Variants in GALNT17 observed in about 807,000 individuals in gnomAD.
The protein encoded by GALNT17 is UDP-GalNAc:polypeptide N-acetylgalactosaminyltransferase-like 3.
GALNT17 carries 29 observed loss-of-function variants against 63.7 expected under a neutral mutation model. That is an observed-to-expected ratio of 0.46 (90% CI 0.34 to 0.62). The LOEUF is 0.62. Among genes scored for constraint, GALNT17 ranks in the 20% least tolerant of loss-of-function variants. The pLI is 0.01. For synonymous variants in GALNT17, 305 were observed against 318.3 expected (o/e 0.96, Z 0.45); for missense variants, 603 against 799.6 (o/e 0.75, Z 2.97).
At chr7:71,409,395 C>A (rs1793391861) in intron 3 of GALNT17, among the ~76,000 whole-genome samples, 1 of 152,174 alleles carries the variant, frequency 6.6e-6, no homozygotes, top group African/African-American at 2.4e-5. Context: ...AGTTCTTGGG[C>A]CACCTCAGAC....
rs1436897094 is a variant in GALNT17, at chr7:71,308,593, C to G, written c.239-26957C>G. Among the ~76,000 whole-genome samples, 5 of 152,090 alleles carry G rather than the reference C, an allele frequency of 3.3e-5. No individual in the cohort carries two copies. The South Asian group carries it at 1.0e-3, about 32-fold the overall frequency. ...GTCCCCCTGGCTAGATCAAGAGCCC[C>G]TCTGTATCCCCAGAACCTTGCAGCT... is the stretch of plus-strand genomic sequence containing the variant. On this transcript the variant is annotated intron_variant, in intron 1 of 10. Coordinates refer to ENST00000333538, the MANE Select transcript of GALNT17 (RefSeq NM_022479.3).
intron 2 of GALNT17, among the ~76,000 whole-genome samples, chr7:71,385,340 T>A (rs1792921886): frequency 6.6e-6 from 1 of 152,202 alleles, no homozygotes; most frequent in Non-Finnish European, 1.5e-5. Flanking sequence ...GCATGCACAG[T>A]GCAGCTTCCA....
chr7:71,273,650 A>G (rs1216313565), intron 1 of GALNT17, among the ~76,000 whole-genome samples: 1 of 152,212 alleles, frequency 6.6e-6, no homozygotes, highest in African/African-American at 2.4e-5. Flanking sequence ...GTATGAAACA[A>G]TGTTTTTGGA....
chr7:71,535,006 G>A (rs182172341), intron 5 of GALNT17, among the ~76,000 whole-genome samples: 1 of 152,268 alleles, frequency 6.6e-6, no homozygotes, highest in Admixed American at 6.5e-5. Flanking sequence ...TACAAAGAGA[G>A]GAGAATAGTA....
chr7:71,236,794 C>T (rs1583786620), intron 1 of GALNT17, among the ~76,000 whole-genome samples: 4 of 152,322 alleles, frequency 2.6e-5, no homozygotes, highest in Admixed American at 2.6e-4. Flanking sequence ...AAAAACTGCA[C>T]CTGCTCTAAT....
intron 2 of GALNT17, among the ~76,000 whole-genome samples, chr7:71,362,217 C>G (rs1025137439): frequency 6.6e-6 from 1 of 152,178 alleles, no homozygotes. Context: ...CTCGGCCTCC[C>G]AAAATGTTGG....
intron 5 of GALNT17, among the ~76,000 whole-genome samples, chr7:71,494,674 AAAGCAGAGAG>A (rs1788064980): frequency 6.6e-6 from 1 of 152,114 alleles, no homozygotes; most frequent in African/African-American, 2.4e-5. Context: ...GCTTTGTGAT[AAAGCAGAGAG>A]AAGCTGTATT....
chr7:71,274,748 G>C (rs1245088664), intron 1 of GALNT17, among the ~76,000 whole-genome samples: 2 of 152,208 alleles, frequency 1.3e-5, no homozygotes, highest in Non-Finnish European at 2.9e-5. Context: ...GTTCTTGTGT[G>C]TTTGTGCAGG....
chr7:71,600,538 T>A (rs1240087813), intron 6 of GALNT17, among the ~76,000 whole-genome samples: 1 of 152,084 alleles, frequency 6.6e-6, no homozygotes, highest in African/African-American at 2.4e-5. Context: ...ATGATGCAGC[T>A]GCTCTTATTT....
intron 1 of GALNT17, among the ~76,000 whole-genome samples, chr7:71,281,700 C>T (rs1177903378): frequency 6.6e-6 from 1 of 152,186 alleles, no homozygotes; most frequent in East Asian, 1.9e-4. Flanking sequence ...CAACGTGCCC[C>T]TGTTTCCTTA....
At chr7:71,651,308 CT>C (rs113437232) in intron 6 of GALNT17, among the ~76,000 whole-genome samples, 184 of 133,774 alleles carry the variant, frequency 1.4e-3, no homozygotes, top group Middle Eastern at 7.8e-3. Context: ...ACTTTTTAGG[CT>C]TTTTTTTTTT....
chr7:71,599,134 T>C (rs1226303491), intron 6 of GALNT17, among the ~76,000 whole-genome samples: 3 of 152,058 alleles, frequency 2.0e-5, no homozygotes, highest in Admixed American at 2.0e-4. Flanking sequence ...CAGAGCCTCA[T>C]GGGACACCAT....
At chr7:71,473,021 A>G (rs1265063491) in intron 5 of GALNT17, among the ~76,000 whole-genome samples, 2 of 152,240 alleles carry the variant, frequency 1.3e-5, no homozygotes, top group South Asian at 2.1e-4. Flanking sequence ...ATCATGAATC[A>G]GTACATGGAA....
chr7:71,698,076 T>G (rs1237290446), intron 9 of GALNT17, among the ~76,000 whole-genome samples: 1 of 136,926 alleles, frequency 7.3e-6, no homozygotes, highest in Non-Finnish European at 1.5e-5. Flanking sequence ...CGAGCCATGA[T>G]CACGCCACTG....
chr7:71,586,325 C>T (rs78887493), intron 6 of GALNT17, among the ~76,000 whole-genome samples: 2,574 of 152,302 alleles, frequency 0.017, 26 homozygotes, highest in Middle Eastern at 0.065. Flanking sequence ...TTGTGAGATT[C>T]TCCATGTTGC....
At chr7:71,221,222 G>T (rs938625476) in intron 1 of GALNT17, among the ~76,000 whole-genome samples, 6 of 152,152 alleles carry the variant, frequency 3.9e-5, no homozygotes, top group African/African-American at 1.4e-4. Flanking sequence ...GGACTAAGGG[G>T]AGAGCAGCAT....
At position 71,690,324 on chromosome 7, in the gene GALNT17, G is replaced by A. The variant is rs568939515; in HGVS notation, c.1500+13018G>A. 2.6e-5 allele frequency among the ~76,000 whole-genome samples: 4 copies of A among 151,826 alleles called. No individual in the cohort carries two copies. The East Asian group carries it at 5.8e-4, about 22-fold the overall frequency. ...CAGGCGTGAGCCACAACGCCTGGCC[G>A]GTTTGCTGATTATATTAAGCCCACT... On this transcript the variant is annotated intron_variant, in intron 9 of 10. Coordinates refer to ENST00000333538, the MANE Select transcript of GALNT17 (RefSeq NM_022479.3).
At position 71,132,570 on chromosome 7, in the gene GALNT17, G is replaced by T; in HGVS notation, c.-233G>T. On this transcript the variant is annotated 5_prime_UTR_variant, in exon 1 of 11. Transcript: ENST00000333538. ...GCGCCGTGGACTGAGCAGGCGTCTC[G>T]GGGAGCACTTCTGCAGAGCGAGGAC... The T allele has an allele frequency of 1.9e-6, 1 of 529,350 alleles. No individual in the cohort carries two copies. Among genetic ancestry groups the T allele is most frequent in the South Asian group, 2.5e-5 (1 of 39,962 alleles). 32.8% of individuals were successfully genotyped at this position (529,350 alleles called of 1,614,324 possible).
At chr7:71,702,131 T>TAG (rs886879953) in intron 9 of GALNT17, among the ~76,000 whole-genome samples, 3 of 150,296 alleles carry the variant, frequency 2.0e-5, no homozygotes, top group Non-Finnish European at 4.4e-5. Flanking sequence ...ACTACCAGAG[T>TAG]AGAGAGAGAG....
Sources: gnomAD v4.1 joint callset for allele counts (sites outside exome capture counted in the v4.1 genomes callset) on GRCh38, gnomAD v4.1.1 for gene constraint, MANE v1.5 for transcripts, NCBI Gene and HGNC (gene_info 2026-07-23, HGNC 2026-07-21) for gene names.